SUN1: variants seen among roughly 807,000 people sequenced by gnomAD.
SUN1 encodes SUN domain-containing protein 1.
SUN1 carries 61 observed loss-of-function variants against 103.2 expected under a neutral mutation model. The ratio of observed to expected loss-of-function variants is 0.59; its 90% CI spans 0.48 to 0.73. SUN1 has a LOEUF of 0.73. Among genes scored for constraint, SUN1 ranks in the 30% least tolerant of loss-of-function variants. The pLI, the probability that SUN1 is intolerant of heterozygous loss-of-function variation, is 0.00. For missense variants in SUN1, 1,052 were observed against 1,034.6 expected, an observed-to-expected ratio of 1.02 and a Z score of -0.23; for synonymous variants, 490 against 425.7, an observed-to-expected ratio of 1.15 and a Z score of -1.86.
intron 6 of SUN1, 42 bp from the exon 7 acceptor site, chr7:851,908 C>G: frequency 6.2e-7 from 1 of 1,604,488 alleles, no homozygotes; most frequent in Non-Finnish European, 8.5e-7. Context: ...CTTGGTTTTC[C>G]TAAAAACATT....
intron 12 of SUN1, among the ~76,000 whole-genome samples, chr7:857,306 G>A: frequency 6.6e-6 from 1 of 152,122 alleles, no homozygotes; most frequent in East Asian, 1.9e-4. Context: ...TCCTTCCAAA[G>A]CTTTTATTTC....
chr7:869,287 C>T (rs1445648488), intron 16 of SUN1, 62 bp from the exon 17 acceptor site: 8 of 1,547,816 alleles, frequency 5.2e-6, no homozygotes, highest in Non-Finnish European at 7.0e-6. Flanking sequence ...TTTCCTCTTC[C>T]TGCTGCTAAG....
chr7:828,605 A>G (rs1473545202), upstream of SUN1, among the ~76,000 whole-genome samples: 3 of 152,166 alleles, frequency 2.0e-5, no homozygotes, highest in Non-Finnish European at 4.4e-5. Flanking sequence ...CCTAAGCCGT[A>G]GGTTTGAAAC....
At chr7:867,277 C>T (rs952019302) in intron 16 of SUN1, among the ~76,000 whole-genome samples, 6 of 152,266 alleles carry the variant, frequency 3.9e-5, no homozygotes, top group African/African-American at 1.2e-4. Flanking sequence ...TCTGCTGCCA[C>T]GAAGCCACAC....
At chr7:819,831 C>T (rs1784361755) in intron 1 of SUN1, among the ~76,000 whole-genome samples, 1 of 151,940 alleles carries the variant, frequency 6.6e-6, no homozygotes, top group Non-Finnish European at 1.5e-5. Context: ...GCCTCAGCCT[C>T]CCAAGTAGCT....
chr7:841,992 A>G lies in SUN1; in HGVS notation c.313A>G (p.Asn105Asp). ...RSTNKSAFSI[N>D]HVSRQVTSSG... is the part of the protein sequence containing the mutation. ...CACAAACAAATCAGCTTTTAGTATC[A>G]ACCACGTGTCAAGGCAGGTCACGTC... Residue 105 changes from asparagine to aspartate, a missense_variant, in exon 3 of 19, where the codon AAC becomes GAC. Asn to Asp is a conservative substitution (Grantham distance 23). Around this residue, in one of 2 missense-constraint regions of SUN1, gnomAD observed 846 missense variants for 774.5 expected, o/e 1.09. Coordinates refer to ENST00000401592, the MANE Select transcript of SUN1 (RefSeq NM_001130965.3). 6.2e-7 allele frequency: 1 copy of G among 1,614,212 alleles called. No individual in the cohort carries two copies.
chr7:817,498 A>G (rs1383607562), intron 1 of SUN1: 2 of 1,535,910 alleles, frequency 1.3e-6, no homozygotes, highest in South Asian at 2.4e-5. Flanking sequence ...TCCCCAGGAC[A>G]GGTGGGCGGT....
At chr7:841,460 T>A (rs1809844358) in intron 2 of SUN1, among the ~76,000 whole-genome samples, 1 of 152,022 alleles carries the variant, frequency 6.6e-6, no homozygotes, top group Non-Finnish European at 1.5e-5. Context: ...GCCAGGATGG[T>A]CTCGATCTCC....
chr7:859,789 T>C (rs1460813244), intron 13 of SUN1, among the ~76,000 whole-genome samples: 1 of 152,246 alleles, frequency 6.6e-6, no homozygotes, highest in Non-Finnish European at 1.5e-5. Flanking sequence ...TGGCAGGGCC[T>C]CTCCGATGCA....
intron 13 of SUN1, among the ~76,000 whole-genome samples, chr7:859,160 A>G (rs1371225516): frequency 6.6e-6 from 1 of 151,858 alleles, no homozygotes; most frequent in Admixed American, 6.6e-5. Context: ...CTCAAAAAAA[A>G]AAAAAAAAGA....
chr7:852,626 G>A lies in SUN1; in HGVS notation c.869G>A (p.Cys290Tyr). Residue 290 changes from cysteine to tyrosine, a missense_variant, in exon 8 of 19, where the codon TGC becomes TAC. This residue lies in a region of SUN1 where 846 missense variants were observed against 774.5 expected (regional missense o/e 1.09). Transcript: ENST00000401592. Reference protein sequence around the residue: ...FLLTRCLRNICKFLVLLIPLF... With the variant: ...FLLTRCLRNIYKFLVLLIPLF... ...ACTCCCAGGTGCCTTCGAAACATCT[G>A]CAAGTTTTTAGTCTTGCTCATCCCA... is the stretch of plus-strand genomic sequence containing the variant. 6.2e-7 allele frequency: 1 copy of A among 1,614,212 alleles called. No individual in the cohort carries two copies. The highest frequency in any genetic ancestry group is 8.5e-7 in the Non-Finnish European group (1 of 1,180,036).
chr7:828,472 A>G (rs886542393), upstream of SUN1, among the ~76,000 whole-genome samples: 3 of 151,892 alleles, frequency 2.0e-5, no homozygotes, highest in African/African-American at 7.3e-5. Flanking sequence ...GGGTTTCACC[A>G]TGTTGGCCCC....
intron 5 of SUN1, among the ~76,000 whole-genome samples, chr7:847,884 G>A (rs191457396): frequency 6.0e-5 from 9 of 150,630 alleles, no homozygotes; most frequent in East Asian, 2.0e-4. Context: ...GGGTTACCCC[G>A]CAGCGCCGTC....
rs547409448 is a variant in SUN1 at position 872,014 on chromosome 7, G to C, written c.2149-456G>C. Reference sequence around the variant, plus strand: ...CCTGACTCCCCACACCCCAGCTTAGGCCGGCACTCGCTCCCTTCTGCCTGC... The same window carrying C: ...CCTGACTCCCCACACCCCAGCTTAGCCCGGCACTCGCTCCCTTCTGCCTGC... On this transcript the variant is annotated intron_variant, in intron 17 of 18. Coordinates refer to ENST00000401592, the MANE Select transcript of SUN1 (RefSeq NM_001130965.3). Among the ~76,000 whole-genome samples, 449 of 152,192 alleles carry C rather than the reference G, an allele frequency of 3.0e-3. 3 individuals carry two copies. Among genetic ancestry groups the C allele is most frequent in the African/African-American group, 9.9e-3 (409 of 41,520 alleles).
intron 17 of SUN1, among the ~76,000 whole-genome samples, chr7:870,107 G>C (rs1187794494): frequency 6.6e-6 from 1 of 151,322 alleles, no homozygotes; most frequent in Non-Finnish European, 1.5e-5. Flanking sequence ...CTGGGAGGCT[G>C]AGGCAGAAGA....
intron 9 of SUN1, 148 bp downstream of exon 9, chr7:853,100 T>G (rs1823806705): frequency 1.8e-6 from 2 of 1,084,236 alleles, no homozygotes; most frequent in South Asian, 1.7e-5. Flanking sequence ...TTGGAGCTCC[T>G]TAAGTGTTCT....
intron 9 of SUN1, 109 bp downstream of exon 9, chr7:853,061 G>C: frequency 7.1e-7 from 1 of 1,406,192 alleles, no homozygotes; most frequent in Non-Finnish European, 9.4e-7. Context: ...GTTGTAAGAA[G>C]TATTTTTAAA....
upstream of SUN1, among the ~76,000 whole-genome samples, chr7:828,764 T>C (rs1427729325): frequency 6.6e-6 from 1 of 152,184 alleles, no homozygotes; most frequent in Non-Finnish European, 1.5e-5. Flanking sequence ...AGGTGTGTGC[T>C]TCTCTAGTGT....
At chr7:817,615 G>A in intron 1 of SUN1, 1 of 1,270,994 alleles carries the variant, frequency 7.9e-7, no homozygotes, top group Admixed American at 2.4e-5. Flanking sequence ...TTCAGTCATA[G>A]TATTGCCCAT....
Sources: gnomAD v4.1 joint callset for allele counts (sites outside exome capture counted in the v4.1 genomes callset) on GRCh38, gnomAD v4.1.1 for gene constraint, gnomAD v4.1.1 regional missense constraint, MANE v1.5 for transcripts, NCBI Gene and HGNC (gene_info 2026-07-23, HGNC 2026-07-21) for gene names.